CAMTA1: variants seen among roughly 807,000 people sequenced by gnomAD.
The protein encoded by CAMTA1 is calmodulin binding transcription activator 1.
A neutral mutation model predicts 170.9 loss-of-function variants in CAMTA1; 27 were observed. The ratio of observed to expected loss-of-function variants is 0.16; its 90% CI spans 0.12 to 0.22. CAMTA1 has a LOEUF of 0.22. CAMTA1 is among the 10% of genes least tolerant of loss of function. The pLI, the probability that CAMTA1 is intolerant of heterozygous loss-of-function variation, is 1.00. For missense variants in CAMTA1, 1,619 were observed against 2,217.2 expected (o/e 0.73, Z 5.42); for synonymous variants, 833 against 891.5 (o/e 0.93, Z 1.17).
chr1:7,661,229 C>A (rs1236108923), intron 7 of CAMTA1, among the ~76,000 whole-genome samples: 1 of 95,512 alleles, frequency 1.0e-5, no homozygotes, highest in Non-Finnish European at 2.1e-5. Flanking sequence ...AGAGTCTTAC[C>A]CCCCAGGGTG....
intron 6 of CAMTA1, among the ~76,000 whole-genome samples, chr1:7,601,857 G>A (rs2095446358): frequency 6.6e-6 from 1 of 152,156 alleles, no homozygotes; most frequent in South Asian, 2.1e-4. Flanking sequence ...AGGAGAATCA[G>A]GCAGGGAGGT....
intron 6 of CAMTA1, among the ~76,000 whole-genome samples, chr1:7,502,702 A>T (rs1189241495): frequency 3.3e-5 from 5 of 152,188 alleles, no homozygotes; most frequent in Admixed American, 6.5e-5. Context: ...CATAAATGAG[A>T]TGAGGACACT....
chr1:6,963,433 C>T (rs1423840505), intron 3 of CAMTA1, among the ~76,000 whole-genome samples: 3 of 151,934 alleles, frequency 2.0e-5, no homozygotes, highest in Non-Finnish European at 4.4e-5. Flanking sequence ...CGCCTGGCGC[C>T]CCGCAGCGGC....
intron 5 of CAMTA1, among the ~76,000 whole-genome samples, chr1:7,279,868 C>CA (rs1012962504): frequency 6.6e-6 from 1 of 151,858 alleles, no homozygotes; most frequent in African/African-American, 2.4e-5. Flanking sequence ...CCCTCTAGAC[C>CA]AAAAAAAAAG....
At chr1:7,569,389 A>G (rs545967412) in intron 6 of CAMTA1, among the ~76,000 whole-genome samples, 6 of 148,608 alleles carry the variant, frequency 4.0e-5, no homozygotes, top group Admixed American at 6.7e-5. Flanking sequence ...CAACATCACC[A>G]TCATCACCAC....
rs917957895 is a variant in CAMTA1, at chr1:7,547,487, A to AT, written c.510+79593dup. On this transcript the variant is annotated intron_variant, in intron 6 of 22. Coordinates refer to ENST00000303635, the MANE Select transcript of CAMTA1 (RefSeq NM_015215.4). The surrounding 1 kb of genome is among the most constrained non-coding windows in gnomAD (Gnocchi z 5.7). ...AAAAAATTGCATTTGTACCAAACAT[A>AT]TTTTTTTCTTATGATTATTCCCTAA... 5.9e-5 allele frequency among the ~76,000 whole-genome samples: 9 copies of AT among 152,044 alleles called. No homozygotes were observed. Among genetic ancestry groups the AT allele is most frequent in the Admixed American group, 6.5e-5 (1 of 15,268 alleles).
intron 5 of CAMTA1, among the ~76,000 whole-genome samples, chr1:7,265,464 C>A (rs1668778431): frequency 6.6e-6 from 1 of 152,092 alleles, no homozygotes; most frequent in Admixed American, 6.5e-5. Context: ...CAGGCACCTG[C>A]CACTATGCCT....
At chr1:6,888,664 C>CGA (rs1673858041) in intron 3 of CAMTA1, among the ~76,000 whole-genome samples, 1 of 152,182 alleles carries the variant, frequency 6.6e-6, no homozygotes, top group African/African-American at 2.4e-5. Flanking sequence ...ATAGAGGAAA[C>CGA]TTGGAGGCGA....
chr1:7,096,171 G>T (rs1433189704), intron 4 of CAMTA1, among the ~76,000 whole-genome samples: 2 of 152,166 alleles, frequency 1.3e-5, no homozygotes, highest in East Asian at 3.9e-4. Context: ...GAAGGAGGGG[G>T]TCTAGAAGGA....
At chr1:7,619,372 C>A (rs1272690679) in intron 6 of CAMTA1, among the ~76,000 whole-genome samples, 1 of 152,208 alleles carries the variant, frequency 6.6e-6, no homozygotes, top group Non-Finnish European at 1.5e-5. Flanking sequence ...TGAGTGCTGG[C>A]TTCGTGTGCC....
chr1:6,979,841 G>A (rs1694123199), intron 3 of CAMTA1, among the ~76,000 whole-genome samples: 1 of 151,378 alleles, frequency 6.6e-6, no homozygotes, highest in South Asian at 2.1e-4. Flanking sequence ...TCCTCTCATG[G>A]TGGTGTAGCT....
rs992309851 is a variant in CAMTA1 at position 7,396,480 on chromosome 1, C to G, written c.439-71350C>G. 2.0e-5 allele frequency among the ~76,000 whole-genome samples: 3 copies of G among 152,268 alleles called. No homozygotes were observed. The East Asian group carries it at 5.8e-4, about 29-fold the overall frequency. On this transcript the variant is annotated intron_variant, in intron 5 of 22. Transcript: ENST00000303635. ...AGTTTGTATTTTCCAACTTGGTTGC[C>G]CTTTATTTCTTTCTCTTGCCTAATT... is the stretch of plus-strand genomic sequence containing the variant.
rs1314682105 is a variant in CAMTA1, at chr1:7,325,975, C to T, written c.438+76349C>T. Among the ~76,000 whole-genome samples the T allele has an allele frequency of 6.6e-6, 1 of 152,202 alleles. No individual in the cohort carries two copies. Among genetic ancestry groups the T allele is most frequent in the Non-Finnish European group, 1.5e-5 (1 of 68,030 alleles). On this transcript the variant is annotated intron_variant, in intron 5 of 22. Transcript: ENST00000303635. This position sits in a 1 kb window ranked among gnomAD's most constrained non-coding sequence, Gnocchi z 5.0. ...CCAGGTTCAAGTGATTCTCATGCCT[C>T]AGCCTCCCAAGTAGCTGGGACTACA...
intron 8 of CAMTA1, among the ~76,000 whole-genome samples, chr1:7,662,701 C>G (rs539580733): frequency 6.6e-6 from 1 of 152,264 alleles, no homozygotes; most frequent in Non-Finnish European, 1.5e-5. Context: ...CTACTTAGGA[C>G]CTAGAAGGAT....
chr1:7,162,274 G>A (rs902553210), intron 4 of CAMTA1, among the ~76,000 whole-genome samples: 2 of 152,138 alleles, frequency 1.3e-5, no homozygotes, highest in African/African-American at 4.8e-5. Context: ...GCCATTCGAA[G>A]GTTTTAACCA....
intron 5 of CAMTA1, among the ~76,000 whole-genome samples, chr1:7,266,638 A>G (rs939572174): frequency 2.0e-5 from 3 of 152,180 alleles, no homozygotes; most frequent in African/African-American, 7.2e-5. Flanking sequence ...GAGCCCTGAG[A>G]GAAGGACTAG....
chr1:7,260,125 G>A (rs181831626), intron 5 of CAMTA1, among the ~76,000 whole-genome samples: 2 of 152,286 alleles, frequency 1.3e-5, no homozygotes, highest in African/African-American at 4.8e-5. Flanking sequence ...TCAAGGAATG[G>A]GCGTGGCTGT....
chr1:7,014,787 G>A lies in CAMTA1; in HGVS notation c.235-76517G>A, dbSNP rs1700299215. 6.6e-6 allele frequency among the ~76,000 whole-genome samples: 1 copy of A among 152,166 alleles called. No individual in the cohort carries two copies. The stretch of plus-strand genomic sequence containing the variant: ...CATTCTGAGCTACCTTTCGGGGTCT[G>A]TGGACCCTCTCAGACCCTGCAGCAT... On this transcript the variant is annotated intron_variant, in intron 3 of 22. Transcript: ENST00000303635. The surrounding 1 kb of genome is among the most constrained non-coding windows in gnomAD (Gnocchi z 4.2).
chr1:6,797,545 C>G (rs1344788898), intron 1 of CAMTA1, among the ~76,000 whole-genome samples: 1 of 151,754 alleles, frequency 6.6e-6, no homozygotes, highest in Middle Eastern at 3.2e-3. Flanking sequence ...ACCACCACGC[C>G]TAGCTAATTT....
Sources: allele counts gnomAD v4.1 joint callset (sites outside exome capture counted in the v4.1 genomes callset), GRCh38; gene constraint gnomAD v4.1.1; non-coding constraint Gnocchi (gnomAD v3.1); transcripts MANE v1.5; gene names NCBI Gene and HGNC (gene_info 2026-07-23, HGNC 2026-07-21).